Variants in WAC observed in about 807,000 individuals in gnomAD.
WAC encodes the protein WW domain-containing adapter protein with coiled-coil.
In WAC, 11 loss-of-function variants were observed where a neutral mutation model predicts 79.6. The observed-to-expected ratio is 0.14, with a 90% CI of 0.09 to 0.23. The LOEUF is 0.23. WAC is among the 10% of genes least tolerant of loss of function. The pLI is 1.00. For missense variants in WAC, 728 were observed against 773.5 expected (o/e 0.94, Z 0.70); for synonymous variants, 304 against 276.9 (o/e 1.10, Z -0.97).
At chr10:28,617,387 A>T (rs1841518965) in intron 12 of WAC, among the ~76,000 whole-genome samples, 1 of 152,224 alleles carries the variant, frequency 6.6e-6, no homozygotes, top group Non-Finnish European at 1.5e-5. Flanking sequence ...ACAAATTATG[A>T]GTCCTTTCTT....
At chr10:28,552,848 T>C (rs1837759439) in intron 3 of WAC, among the ~76,000 whole-genome samples, 2 of 39,120 alleles carry the variant, frequency 5.1e-5, no homozygotes, top group Admixed American at 3.7e-4. Context: ...TTGGCTGCTT[T>C]TTTTTTTTTT....
At chr10:28,535,787 A>G (rs1233016389) in intron 3 of WAC, 30 bp downstream of exon 3, 2 of 1,571,914 alleles carry the variant, frequency 1.3e-6, no homozygotes, top group Non-Finnish European at 1.7e-6. Flanking sequence ...AAACTTTGAC[A>G]TACAGTTTTA....
intron 3 of WAC, among the ~76,000 whole-genome samples, chr10:28,564,432 T>A (rs1838485248): frequency 6.6e-6 from 1 of 152,116 alleles, no homozygotes; most frequent in Admixed American, 6.6e-5. Context: ...GCCATGGTGG[T>A]TAGAGGAGTA....
intron 10 of WAC, among the ~76,000 whole-genome samples, chr10:28,614,206 C>A (rs940546656): frequency 2.6e-5 from 4 of 151,822 alleles, no homozygotes; most frequent in Non-Finnish European, 4.4e-5. Flanking sequence ...TCCGGGTTCA[C>A]GCCATTCTCC....
chr10:28,590,628 C>G, intron 5 of WAC, 92 bp from the exon 6 acceptor site: 1 of 1,013,662 alleles, frequency 9.9e-7, no homozygotes, highest in Non-Finnish European at 1.4e-6. Flanking sequence ...TTTCTGTATA[C>G]CATTTGTTAG....
At chr10:28,533,843 A>T in intron 1 of WAC, 155 bp from the exon 2 acceptor site, 1 of 1,052,862 alleles carries the variant, frequency 9.5e-7, no homozygotes, top group Non-Finnish European at 1.4e-6. Flanking sequence ...GCCCTTCCGG[A>T]GGCTCCGGGT....
chr10:28,543,300 A>C (rs565173702), intron 3 of WAC, among the ~76,000 whole-genome samples: 75 of 149,864 alleles, frequency 5.0e-4, no homozygotes, highest in Middle Eastern at 3.4e-3. Flanking sequence ...CTTAAAAACT[A>C]AAAATGATTC....
intron 4 of WAC, among the ~76,000 whole-genome samples, chr10:28,587,942 G>A (rs1294077228): frequency 4.6e-5 from 7 of 151,090 alleles, no homozygotes; most frequent in Non-Finnish European, 1.0e-4. Context: ...TTTCCTTAAA[G>A]CACAACTTCT....
chr10:28,617,628 TTA>T (rs771751033), intron 12 of WAC, 27 bp from the exon 13 acceptor site: 43 of 1,529,700 alleles, frequency 2.8e-5, no homozygotes, highest in Non-Finnish European at 3.7e-5. Context: ...TGTTTATATT[TTA>T]TGTTTTCTTC....
chr10:28,540,900 CAG>C (rs1836976993), intron 3 of WAC, among the ~76,000 whole-genome samples: 2 of 151,742 alleles, frequency 1.3e-5, no homozygotes, highest in Non-Finnish European at 2.9e-5. Context: ...TTTTAGAAAA[CAG>C]TGTCTGTGAT....
At chr10:28,554,040 T>A (rs1289585401) in intron 3 of WAC, among the ~76,000 whole-genome samples, 1 of 152,138 alleles carries the variant, frequency 6.6e-6, no homozygotes, top group Non-Finnish European at 1.5e-5. Context: ...CTAATTTTTG[T>A]ATTTTTAGTA....
Position 28,583,474 on chromosome 10 carries a change from C to G in WAC, c.350C>G (p.Pro117Arg). 2.5e-6 allele frequency: 4 copies of G among 1,582,174 alleles called. No homozygotes were observed. The highest frequency in any genetic ancestry group is 3.4e-6 in the Non-Finnish European group (4 of 1,167,742). Reference protein sequence around the residue: ...LHSSNSHSSNPSNNPSKTSDA... With the variant: ...LHSSNSHSSNRSNNPSKTSDA... ...AGTTCAAATTCACATTCTTCTAATC[C>G]AAGCAATAACCCAAGCAAAACTTCA... Residue 117 changes from proline to arginine, a missense_variant, in exon 4 of 14, where the codon CCA becomes CGA. Around this residue, in one of 3 missense-constraint regions of WAC, gnomAD observed 648 missense variants for 661.5 expected, o/e 0.98. Coordinates refer to ENST00000354911, the MANE Select transcript of WAC (RefSeq NM_016628.5).
At chr10:28,556,211 C>G (rs990317138) in intron 3 of WAC, among the ~76,000 whole-genome samples, 2 of 151,852 alleles carry the variant, frequency 1.3e-5, no homozygotes, top group Non-Finnish European at 1.5e-5. Context: ...CCTCTGCACC[C>G]TCACCAACAC....
At position 28,605,432 on chromosome 10, in the gene WAC, A is replaced by G. The variant is rs1317403826; in HGVS notation, c.920-2754A>G. ...GATTCCGATGAGCAGTCTGTTGAGG[A>G]CTAATACCTTTATTAAAAGGTTTAA... On this transcript the variant is annotated intron_variant, in intron 7 of 13. Transcript: ENST00000354911. Among the ~76,000 whole-genome samples the G allele has an allele frequency of 2.6e-5, 4 of 152,160 alleles. No individual in the cohort carries two copies. In the East Asian group the frequency reaches 7.7e-4, roughly 29 times the overall value.
At chr10:28,544,804 C>T (rs955546053) in intron 3 of WAC, among the ~76,000 whole-genome samples, 3 of 152,118 alleles carry the variant, frequency 2.0e-5, no homozygotes, top group African/African-American at 7.2e-5. Flanking sequence ...TGGCTCACGC[C>T]TGTAATGCCA....
chr10:28,557,851 G>T (rs1838080644), intron 3 of WAC, among the ~76,000 whole-genome samples: 1 of 152,100 alleles, frequency 6.6e-6, no homozygotes, highest in Admixed American at 6.5e-5. Context: ...GAGGTGGGTG[G>T]ATCATGAGGT....
rs143379664 is a variant in WAC, at chr10:28,597,118, T to G, written c.919+1077T>G. Among the ~76,000 whole-genome samples the G allele has an allele frequency of 3.2e-4, 48 of 152,254 alleles. No individual in the cohort carries two copies. The East Asian group carries it at 9.3e-3, about 29-fold the overall frequency. On this transcript the variant is annotated intron_variant, in intron 7 of 13. Coordinates refer to ENST00000354911, the MANE Select transcript of WAC (RefSeq NM_016628.5). ...CATGTTATTTGAATTTTCCTTGTTA[T>G]TCAACCATATACTTTAGTATATATA... is the stretch of plus-strand genomic sequence containing the variant.
At chr10:28,559,966 T>C (rs1415604879) in intron 3 of WAC, among the ~76,000 whole-genome samples, 1 of 152,184 alleles carries the variant, frequency 6.6e-6, no homozygotes, top group African/African-American at 2.4e-5. Context: ...TAGAATGACT[T>C]GGATTAGGGT....
intron 4 of WAC, among the ~76,000 whole-genome samples, chr10:28,585,314 C>T (rs966703888): frequency 2.6e-5 from 4 of 151,948 alleles, no homozygotes; most frequent in African/African-American, 7.3e-5. Flanking sequence ...GGATGGTAGC[C>T]GAGAGCTGGT....
Sources: gnomAD v4.1 joint callset for allele counts (sites outside exome capture counted in the v4.1 genomes callset) on GRCh38, gnomAD v4.1.1 for gene constraint, gnomAD v4.1.1 regional missense constraint, MANE v1.5 for transcripts, NCBI Gene and HGNC (gene_info 2026-07-23, HGNC 2026-07-21) for gene names.